The following RASA2 variants were observed in gnomAD, a reference collection of about 807,000 sequenced individuals.
The protein encoded by RASA2 is RAS p21 protein activator 2, also known as ras GTPase-activating protein 2.
In RASA2, 155 loss-of-function variants were observed where a neutral mutation model predicts 118.2. The ratio of observed to expected loss-of-function variants is 1.31; its 90% CI spans 1.15 to 1.50. The LOEUF is 1.50. RASA2 is among the 40% of genes most tolerant of loss of function. The probability of loss-of-function intolerance (pLI) is 0.00; values close to 1 mark genes in which losing one functional copy is unlikely to be tolerated. For missense variants in RASA2, 1,016 were observed against 1,009.6 expected (o/e 1.01, Z -0.09); for synonymous variants, 353 against 349.1 (o/e 1.01, Z -0.12).
rs1169906910 is a variant in RASA2 at position 141,570,964 on chromosome 3, C to G, written c.916C>G (p.Leu306Val). The G allele has an allele frequency of 1.9e-6, 3 of 1,611,858 alleles. No individual in the cohort carries two copies. The highest frequency in any genetic ancestry group is 2.2e-5 in the East Asian group (1 of 44,730). Residue 306 changes from leucine to valine, a missense_variant, in exon 10 of 24, where the codon CTG becomes GTG. Transcript: ENST00000286364. ...NGNKSSKTDD[L>V]GSLRLNICYT... is the part of the protein sequence containing the mutation. Reference sequence around the variant, plus strand: ...AAACAAGTCATCCAAAACTGATGACCTGGGGTCTCTTCGATTAAATATATG... The same window carrying G: ...AAACAAGTCATCCAAAACTGATGACGTGGGGTCTCTTCGATTAAATATATG...
rs2081585604 is a variant in RASA2, at chr3:141,487,092, G to C, written c.9G>C (p.Ala3=). 7.3e-7 allele frequency: 1 copy of C among 1,373,420 alleles called. No individual in the cohort carries two copies. The highest frequency in any genetic ancestry group is 1.5e-5 in the South Asian group (1 of 65,694). The allele number at this position is 1,373,420 out of a possible 1,614,324, so 85.1% of individuals were successfully genotyped here. A position where few individuals can be genotyped will look rare whatever the true frequency, so the allele number is the denominator to read the frequency against. Residue 3 remains alanine, a synonymous_variant, in exon 1 of 24, where the codon GCG becomes GCC. Transcript: ENST00000286364. ...ACGGGCCGGGCGGCACCATGGCGGC[G>C]GCGGCGCCTGCTGCTGCGGCGGCTT... The part of the protein sequence containing the change: MA[A]AAPAAAAASS...
chr3:141,586,585 C>G (rs2083206063), intron 18 of RASA2, 61 bp from the exon 19 acceptor site: 1 of 1,139,974 alleles, frequency 8.8e-7, no homozygotes, highest in Admixed American at 2.3e-5. Flanking sequence ...AAGGATACTT[C>G]TTTGTTTTGG....
chr3:141,593,414 T>C (rs1332436273), intron 19 of RASA2, among the ~76,000 whole-genome samples: 1 of 151,996 alleles, frequency 6.6e-6, no homozygotes, highest in Non-Finnish European at 1.5e-5. Context: ...GAGGTGGTGC[T>C]AAAATGCAAG....
chr3:141,581,738 T>C (rs1046602841), intron 17 of RASA2, among the ~76,000 whole-genome samples: 1 of 152,194 alleles, frequency 6.6e-6, no homozygotes, highest in Non-Finnish European at 1.5e-5. Flanking sequence ...TAATGAACAA[T>C]ATAAATTTAT....
intron 3 of RASA2, among the ~76,000 whole-genome samples, chr3:141,524,525 A>T (rs2082157987): frequency 6.6e-6 from 1 of 151,948 alleles, no homozygotes; most frequent in African/African-American, 2.4e-5. Flanking sequence ...GTTTGCCAGG[A>T]TTTGTTCAGT....
intron 1 of RASA2, among the ~76,000 whole-genome samples, chr3:141,490,958 C>T (rs1300595233): frequency 6.6e-6 from 1 of 152,320 alleles, no homozygotes; most frequent in African/African-American, 2.4e-5. Flanking sequence ...GGTCATACAC[C>T]GACCATCTCT....
chr3:141,561,678 A>G (rs1307325497), intron 9 of RASA2, among the ~76,000 whole-genome samples: 1 of 152,196 alleles, frequency 6.6e-6, no homozygotes, highest in Non-Finnish European at 1.5e-5. Flanking sequence ...GAAAAGATTT[A>G]TTTACCCTCA....
rs2081586753 is a variant in RASA2, at chr3:141,487,134, G to A, written c.51G>A (p.Ala17=). ...CGGCGGCTTCTTCCGAGGCGCCAGC[G>A]GCGAGTGCGACTGCAGAGCCCGAGG... ...AAAAASSEAP[A]ASATAEPEAG... is the part of the protein sequence containing the mutation. Residue 17 remains alanine, a synonymous_variant, in exon 1 of 24, where the codon GCG becomes GCA. Transcript: ENST00000286364. 1.4e-6 allele frequency: 2 copies of A among 1,447,770 alleles called. No homozygotes were observed. Among genetic ancestry groups the A allele is most frequent in the South Asian group, 1.3e-5 (1 of 75,042 alleles). 89.7% of individuals were successfully genotyped at this position (1,447,770 alleles called of 1,614,324 possible). A position where few individuals can be genotyped will look rare whatever the true frequency, so the allele number is the denominator to read the frequency against.
At chr3:141,506,908 C>T (rs1473647994) in intron 1 of RASA2, among the ~76,000 whole-genome samples, 2 of 143,368 alleles carry the variant, frequency 1.4e-5, no homozygotes, top group African/African-American at 2.6e-5. Flanking sequence ...AGAGCGAGAC[C>T]CTGTCTCAAA....
At chr3:141,610,499 A>C (rs111492778) in intron 23 of RASA2, among the ~76,000 whole-genome samples, 12 of 130,358 alleles carry the variant, frequency 9.2e-5, no homozygotes, top group African/African-American at 3.3e-4. Flanking sequence ...ATATATATTT[A>C]GTTTTTGTAG....
At position 141,612,339 on chromosome 3, in the gene RASA2, C is replaced by T; in HGVS notation, c.*26C>T. 1 of 1,543,770 alleles carries T rather than the reference C, an allele frequency of 6.5e-7. No individual in the cohort carries two copies. Among genetic ancestry groups the T allele is most frequent in the Non-Finnish European group, 8.8e-7 (1 of 1,130,396 alleles). Reference sequence around the variant, plus strand: ...AGTTTAACAGATTGGTTCAGAAGAACTGGAAAATATTATTTTTCTTGGAGC... The same window carrying T: ...AGTTTAACAGATTGGTTCAGAAGAATTGGAAAATATTATTTTTCTTGGAGC... On this transcript the variant is annotated 3_prime_UTR_variant, in exon 24 of 24. Transcript: ENST00000286364.
intron 5 of RASA2, among the ~76,000 whole-genome samples, chr3:141,550,806 G>A (rs1317417510): frequency 3.3e-5 from 5 of 152,142 alleles, no homozygotes; most frequent in African/African-American, 9.7e-5. Context: ...GCGGGGAGCC[G>A]AGATTGCGCC....
chr3:141,494,483 C>G (rs888653490), intron 1 of RASA2, among the ~76,000 whole-genome samples: 4 of 152,190 alleles, frequency 2.6e-5, no homozygotes, highest in Non-Finnish European at 5.9e-5. Flanking sequence ...ATTCTCCTGC[C>G]TCAGCCTCCC....
chr3:141,608,647 CT>C lies in RASA2; in HGVS notation c.2176del (p.Cys726AlafsTer25). 1.9e-6 allele frequency: 3 copies of C among 1,613,992 alleles called. No homozygotes were observed. The highest frequency in any genetic ancestry group is 2.5e-6 in the Non-Finnish European group (3 of 1,179,914). ...CTGTGTATCTGAACGGAAATTGGCT[CT>C]GCTGTCAGGAGACTGGTGAAAACAC... The part of the protein sequence containing the change: ...PSVYLNGNWL[C>X]CQETGENTLG... On this transcript the variant is annotated frameshift_variant, in exon 21 of 24. Coordinates refer to ENST00000286364, the MANE Select transcript of RASA2 (RefSeq NM_006506.5). LOFTEE classifies it high-confidence loss of function.
At chr3:141,598,046 C>T (rs950677543) in intron 19 of RASA2, among the ~76,000 whole-genome samples, 5 of 152,102 alleles carry the variant, frequency 3.3e-5, no homozygotes, top group African/African-American at 1.2e-4. Context: ...TGTATCTCTG[C>T]TTGTGATGAA....
At chr3:141,572,029 C>CAT (rs10568210) in intron 11 of RASA2, among the ~76,000 whole-genome samples, 14,160 of 120,832 alleles carry the variant, frequency 0.12, 818 homozygotes, top group Non-Finnish European at 0.16. Context: ...TTTAAAAAAA[C>CAT]ATATATATAT....
intron 2 of RASA2, 83 bp downstream of exon 2, chr3:141,512,363 G>A (rs2081964868): frequency 1.0e-6 from 1 of 1,000,816 alleles, no homozygotes; most frequent in Non-Finnish European, 1.5e-6. Context: ...TAATAATCAA[G>A]AAGACAAGAC....
intron 5 of RASA2, among the ~76,000 whole-genome samples, chr3:141,545,851 T>G: frequency 6.6e-6 from 1 of 152,162 alleles, no homozygotes; most frequent in East Asian, 1.9e-4. Context: ...TATATTTTTG[T>G]ACCCTCACTT....
At chr3:141,551,545 G>A (rs1243619022) in intron 5 of RASA2, among the ~76,000 whole-genome samples, 1 of 152,120 alleles carries the variant, frequency 6.6e-6, no homozygotes, top group East Asian at 1.9e-4. Flanking sequence ...TTAGTACTCT[G>A]CCCTGGGGTC....
Sources: gnomAD v4.1 joint callset for allele counts (sites outside exome capture counted in the v4.1 genomes callset) on GRCh38, gnomAD v4.1.1 for gene constraint, MANE v1.5 for transcripts, NCBI Gene and HGNC (gene_info 2026-07-23, HGNC 2026-07-21) for gene names.